Variants in SAMD7 observed in about 807,000 individuals in gnomAD.
SAMD7 encodes the protein sterile alpha motif domain-containing protein 7.
Under a neutral mutation model 36.7 loss-of-function variants are expected in SAMD7, and 34 were observed. The ratio of observed to expected loss-of-function variants is 0.93; its 90% CI spans 0.71 to 1.23. The LOEUF (loss-of-function observed/expected upper bound fraction) is 1.23, where lower values mean the gene tolerates loss of function less well. Ranked by LOEUF, SAMD7 falls within the 50% of genes most tolerant of loss-of-function variation. The probability of loss-of-function intolerance (pLI) is 0.00; values close to 1 mark genes in which losing one functional copy is unlikely to be tolerated. For synonymous variants in SAMD7, 188 were observed against 189.7 expected, an observed-to-expected ratio of 0.99 and a Z score of 0.07; for missense variants, 570 against 546.6, an observed-to-expected ratio of 1.04 and a Z score of -0.43.
intron 7 of SAMD7, chr3:169,932,434 GAC>G: frequency 1.6e-6 from 1 of 615,654 alleles, no homozygotes; most frequent in Non-Finnish European, 3.2e-6. Flanking sequence ...GGTTATGATA[GAC>G]ACAATGCGGA....
chr3:169,912,413 T>C (rs549824985), intron 1 of SAMD7, among the ~76,000 whole-genome samples: 1 of 152,350 alleles, frequency 6.6e-6, no homozygotes, highest in South Asian at 2.1e-4. Flanking sequence ...AGTTCCATTA[T>C]ATGAGTACTG....
intron 7 of SAMD7, 66 bp downstream of exon 7, chr3:169,928,644 AT>A: frequency 6.6e-7 from 1 of 1,522,762 alleles, no homozygotes; most frequent in Non-Finnish European, 9.0e-7. Context: ...TGCATAATGA[AT>A]TAGGTCAAAC....
At chr3:169,931,048 A>C (rs1713471885) in intron 7 of SAMD7, among the ~76,000 whole-genome samples, 1 of 152,206 alleles carries the variant, frequency 6.6e-6, no homozygotes, top group Non-Finnish European at 1.5e-5. Context: ...CAGCAGAAAA[A>C]AAATAACAAC....
chr3:169,938,584 C>G lies in SAMD7; in HGVS notation c.*78C>G, dbSNP rs1576842216. The stretch of plus-strand genomic sequence containing the variant: ...TATTACAAAGGATGTGTGAGGATTT[C>G]CCAGTACTGGATGGAGAATGAGAAG... On this transcript the variant is annotated 3_prime_UTR_variant, in exon 9 of 9. Coordinates refer to ENST00000335556, the MANE Select transcript of SAMD7 (RefSeq NM_001304366.2). 5.5e-6 allele frequency: 5 copies of G among 912,164 alleles called. No individual in the cohort carries two copies. In the East Asian group the frequency reaches 1.3e-4, roughly 24 times the overall value. The allele number at this position is 912,164 out of a possible 1,614,324, so 56.5% of individuals were successfully genotyped here. A position where few individuals can be genotyped will look rare whatever the true frequency, so the allele number is the denominator to read the frequency against.
intron 2 of SAMD7, among the ~76,000 whole-genome samples, chr3:169,916,052 G>GTTTT (rs1331885277): frequency 7.8e-5 from 2 of 25,686 alleles, no homozygotes; most frequent in Non-Finnish European, 1.2e-4. Context: ...GTGTCCCTTT[G>GTTTT]TTTTTGTTTG....
rs76034467 is a variant in SAMD7 at position 169,916,274 on chromosome 3, G to A, written c.-42+833G>A. On this transcript the variant is annotated intron_variant, in intron 2 of 8. Transcript: ENST00000335556. Reference sequence around the variant, plus strand: ...TGGTTGCCAGAGGCTAGGGGGTGATGGAAGTGGAGAACTGTTGTCCAATGG... The same window carrying A: ...TGGTTGCCAGAGGCTAGGGGGTGATAGAAGTGGAGAACTGTTGTCCAATGG... 8.0e-3 allele frequency among the ~76,000 whole-genome samples: 1,218 copies of A among 152,280 alleles called. 14 individuals carry two copies. The highest frequency in any genetic ancestry group is 0.028 in the African/African-American group (1,145 of 41,544).
chr3:169,928,480 G>A lies in SAMD7; in HGVS notation c.943G>A (p.Gly315Arg). 6.2e-7 allele frequency: 1 copy of A among 1,612,248 alleles called. No homozygotes were observed. The highest frequency in any genetic ancestry group is 1.1e-5 in the South Asian group (1 of 91,042). Residue 315 changes from glycine to arginine, a missense_variant, in exon 7 of 9, where the codon GGG becomes AGG. Coordinates refer to ENST00000335556, the MANE Select transcript of SAMD7 (RefSeq NM_001304366.2). ...AGGAACACATGCACTGGTTACAATT[G>A]GGGGGAATCTTTCTTTGGATGAAGA... ...LPGTHALVTI[G>R]GNLSLDEDIQ... is the part of the protein sequence containing the mutation.
intron 7 of SAMD7, chr3:169,932,047 T>C (rs975005987): frequency 1.6e-6 from 1 of 626,720 alleles, no homozygotes; most frequent in Non-Finnish European, 2.5e-6. Context: ...GTCATCTTTA[T>C]CTTCACCAAA....
chr3:169,918,625 T>C (rs1378505858), intron 2 of SAMD7, among the ~76,000 whole-genome samples: 1 of 152,224 alleles, frequency 6.6e-6, no homozygotes, highest in East Asian at 1.9e-4. Flanking sequence ...TATTTGTATT[T>C]ATGTAAACTT....
intron 4 of SAMD7, among the ~76,000 whole-genome samples, chr3:169,924,115 C>T (rs1478353277): frequency 6.6e-6 from 1 of 151,990 alleles, no homozygotes; most frequent in East Asian, 1.9e-4. Context: ...AGCTATTGAA[C>T]TACAAAAAAC....
intron 7 of SAMD7, among the ~76,000 whole-genome samples, chr3:169,933,741 G>A (rs6762131): frequency 6.6e-6 from 1 of 152,220 alleles, no homozygotes; most frequent in Non-Finnish European, 1.5e-5. Flanking sequence ...GTGAGGCATG[G>A]AGCACAGAGT....
At chr3:169,922,492 C>A (rs778391735) in intron 4 of SAMD7, among the ~76,000 whole-genome samples, 2 of 152,118 alleles carry the variant, frequency 1.3e-5, no homozygotes, top group Non-Finnish European at 2.9e-5. Context: ...ACATTTATCA[C>A]CTTTTTTGTT....
chr3:169,927,741 A>C (rs1263542603), intron 6 of SAMD7, among the ~76,000 whole-genome samples: 1 of 152,152 alleles, frequency 6.6e-6, no homozygotes, highest in Non-Finnish European at 1.5e-5. Context: ...GGGAAGGTAA[A>C]TATCTTGGGA....
rs1712756042 is a variant in SAMD7, at chr3:169,915,460, A to T, written c.-42+19A>T. The T allele has an allele frequency of 6.6e-6, 1 of 151,296 alleles. No homozygotes were observed. The highest frequency in any genetic ancestry group is 2.4e-5 in the African/African-American group (1 of 41,236). The allele number at this position is 151,296 out of a possible 1,614,324, so 9.4% of individuals were successfully genotyped here. A position where few individuals can be genotyped will look rare whatever the true frequency, so the allele number is the denominator to read the frequency against. ...CCTAAAGGTAACATGTAAGAGGAAG[A>T]GGTGGTGAGTCTCTAAGCAATTCTT... On this transcript the variant is annotated intron_variant, in intron 2 of 8. Coordinates refer to ENST00000335556, the MANE Select transcript of SAMD7 (RefSeq NM_001304366.2).
chr3:169,914,727 G>A (rs1409389061), intron 1 of SAMD7, among the ~76,000 whole-genome samples: 1 of 152,034 alleles, frequency 6.6e-6, no homozygotes, highest in East Asian at 1.9e-4. Context: ...AAATAGCACT[G>A]AGTTCTCCCA....
At chr3:169,932,158 G>A in intron 7 of SAMD7, 1 of 596,832 alleles carries the variant, frequency 1.7e-6, no homozygotes, top group Non-Finnish European at 3.0e-6. Flanking sequence ...CTTGTGGATG[G>A]AGCTGTCACC....
chr3:169,931,616 G>A (rs1446061652), intron 7 of SAMD7, among the ~76,000 whole-genome samples: 1 of 152,030 alleles, frequency 6.6e-6, no homozygotes. Flanking sequence ...CACCGCACCT[G>A]GCTCTTTAAT....
chr3:169,932,922 T>C, intron 7 of SAMD7: 1 of 654,812 alleles, frequency 1.5e-6, no homozygotes, highest in South Asian at 1.5e-5. Context: ...AGTATGCTCA[T>C]CCTTCTTGAT....
chr3:169,926,665 G>A lies in SAMD7; in HGVS notation c.403G>A (p.Ala135Thr). ...PFLYGSSVPAAPAAYHGRSML... is the reference protein window; with the variant it reads ...PFLYGSSVPATPAAYHGRSML... ...CCTCTATGGCTCCAGTGTCCCAGCT[G>A]CCCCCGCTGCCTACCATGGCAGGAG... Residue 135 changes from alanine to threonine, a missense_variant, in exon 6 of 9, where the codon GCC (alanine) becomes ACC (threonine). Ala to Thr is a moderately conservative substitution (Grantham distance 58). Coordinates refer to ENST00000335556, the MANE Select transcript of SAMD7 (RefSeq NM_001304366.2). The A allele has an allele frequency of 2.5e-6, 4 of 1,613,924 alleles. No individual in the cohort carries two copies. The highest frequency in any genetic ancestry group is 2.2e-5 in the East Asian group (1 of 44,856).
Sources: allele counts gnomAD v4.1 joint callset (sites outside exome capture counted in the v4.1 genomes callset), GRCh38; gene constraint gnomAD v4.1.1; transcripts MANE v1.5; gene names NCBI Gene and HGNC (gene_info 2026-07-23, HGNC 2026-07-21).